EFNB2: variants seen among roughly 807,000 people sequenced by gnomAD.
The protein encoded by EFNB2 is ephrin B2.
EFNB2 carries 5 observed loss-of-function variants against 32.1 expected under a neutral mutation model. The observed-to-expected ratio is 0.16, with a 90% CI of 0.08 to 0.33. The LOEUF is 0.33. EFNB2 is among the 10% of genes least tolerant of loss of function. EFNB2 has a pLI of 1.00. For synonymous variants in EFNB2, 168 were observed against 166.5 expected (o/e 1.01, Z -0.07); for missense variants, 263 against 422.6 (o/e 0.62, Z 3.31).
Position 106,525,943 on chromosome 13 carries a change from C to T in EFNB2, c.122+8900G>A, listed in dbSNP as rs1456616368. 2.6e-5 allele frequency among the ~76,000 whole-genome samples: 4 copies of T among 152,186 alleles called. No homozygotes were observed. In the East Asian group the frequency reaches 5.8e-4, roughly 22 times the overall value. On this transcript the variant is annotated intron_variant, in intron 1 of 4. Coordinates refer to ENST00000646441, the MANE Select transcript of EFNB2 (RefSeq NM_004093.4). Reference sequence around the variant, plus strand: ...AAGGACTACAGATTTCTTCAGAGATCCCCAAACAGCTTTAATGTTGAGTTG... The same window carrying T: ...AAGGACTACAGATTTCTTCAGAGATTCCCAAACAGCTTTAATGTTGAGTTG...
At chr13:106,497,297 C>T (rs1878623234) in intron 2 of EFNB2, among the ~76,000 whole-genome samples, 1 of 152,076 alleles carries the variant, frequency 6.6e-6, no homozygotes, top group African/African-American at 2.4e-5. Flanking sequence ...TTTACAGTCT[C>T]ACAATTGCAT....
At chr13:106,506,849 C>G (rs1878968602) in intron 2 of EFNB2, 1 of 152,222 alleles carries the variant, frequency 6.6e-6, no homozygotes, top group Admixed American at 6.5e-5. Flanking sequence ...CCCCACTTTA[C>G]AGATGAAGAG....
chr13:106,510,262 G>A (rs1475160267), intron 2 of EFNB2: 1 of 151,858 alleles, frequency 6.6e-6, no homozygotes. Context: ...AAATTAAACT[G>A]CTTCTAAATA....
intron 2 of EFNB2, among the ~76,000 whole-genome samples, chr13:106,502,779 G>T (rs1182555831): frequency 6.6e-6 from 1 of 152,184 alleles, no homozygotes; most frequent in Non-Finnish European, 1.5e-5. Context: ...AGGGCCATAG[G>T]TATCTTTGAC....
At chr13:106,529,307 G>A (rs112751004) in intron 1 of EFNB2, among the ~76,000 whole-genome samples, 7 of 152,160 alleles carry the variant, frequency 4.6e-5, no homozygotes, top group African/African-American at 1.7e-4. Flanking sequence ...GGCAACGACC[G>A]CGAAGTGCAG....
chr13:106,497,089 A>T (rs1878614625), intron 2 of EFNB2, among the ~76,000 whole-genome samples: 1 of 152,358 alleles, frequency 6.6e-6, no homozygotes, highest in East Asian at 1.9e-4. Context: ...TCCAAACAGT[A>T]GGTCAGCAAA....
At chr13:106,534,801 A>C (rs1418091347) in intron 1 of EFNB2, 42 bp downstream of exon 1, 1 of 1,578,300 alleles carries the variant, frequency 6.3e-7, no homozygotes. Context: ...GGCGCGGCGG[A>C]CCCCGGGGCG....
chr13:106,500,214 C>T (rs1878728826), intron 2 of EFNB2, among the ~76,000 whole-genome samples: 2 of 152,294 alleles, frequency 1.3e-5, no homozygotes, highest in South Asian at 4.1e-4. Context: ...CCGCTCTGCT[C>T]CCAGGAGGCT....
chr13:106,494,768 C>T (rs1566454263), intron 4 of EFNB2, 113 bp downstream of exon 4: 9 of 773,650 alleles, frequency 1.2e-5, no homozygotes, highest in African/African-American at 1.7e-5. Context: ...ATCACTGTAA[C>T]TTCCAGCTAA....
chr13:106,503,088 GTTTAT>G (rs771606067), intron 2 of EFNB2, among the ~76,000 whole-genome samples: 1 of 152,076 alleles, frequency 6.6e-6, no homozygotes, highest in Non-Finnish European at 1.5e-5. Context: ...TTATGGAGTT[GTTTAT>G]TTTATTTCCC....
chr13:106,521,382 T>C (rs1879514217), intron 1 of EFNB2: 1 of 152,196 alleles, frequency 6.6e-6, no homozygotes, highest in Non-Finnish European at 1.5e-5. Context: ...TGCCTCTTCA[T>C]CACGCATACC....
chr13:106,492,065 A>G lies in EFNB2; in HGVS notation c.*975T>C, dbSNP rs1266155276. The G allele has an allele frequency of 2.0e-5, 3 of 152,580 alleles. No homozygotes were observed. Among genetic ancestry groups the G allele is most frequent in the Non-Finnish European group, 4.4e-5 (3 of 68,068 alleles). The allele number at this position is 152,580 out of a possible 1,614,324, so 9.5% of individuals were successfully genotyped here. ...CTCCAAGCCTGTTCCTTTCCCAACA[A>G]TACCCGTCTTTGTTCCCCGGAATGA... On this transcript the variant is annotated 3_prime_UTR_variant, in exon 5 of 5. Coordinates refer to ENST00000646441, the MANE Select transcript of EFNB2 (RefSeq NM_004093.4). This position sits in a 1 kb window ranked among gnomAD's most constrained non-coding sequence, Gnocchi z 5.1.
At position 106,490,454 on chromosome 13, in the gene EFNB2, A is replaced by G. The variant is rs1453293758; in HGVS notation, c.*2586T>C. On this transcript the variant is annotated 3_prime_UTR_variant, in exon 5 of 5. Coordinates refer to ENST00000646441, the MANE Select transcript of EFNB2 (RefSeq NM_004093.4). Reference sequence around the variant, plus strand: ...CAGACACAAAACAGACGCACAGAACACTTTTCAATTGGTTGCAGGGAACTC... The same window carrying G: ...CAGACACAAAACAGACGCACAGAACGCTTTTCAATTGGTTGCAGGGAACTC... The G allele has an allele frequency of 3.3e-5, 5 of 152,188 alleles. No homozygotes were observed. Among genetic ancestry groups the G allele is most frequent in the Non-Finnish European group, 7.4e-5 (5 of 68,020 alleles). 9.4% of individuals were successfully genotyped at this position (152,188 alleles called of 1,614,324 possible). A position where few individuals can be genotyped will look rare whatever the true frequency, so the allele number is the denominator to read the frequency against.
At chr13:106,509,288 A>G (rs980714728) in intron 2 of EFNB2, among the ~76,000 whole-genome samples, 3 of 152,096 alleles carry the variant, frequency 2.0e-5, no homozygotes, top group African/African-American at 7.2e-5. Flanking sequence ...ACTGGGGAAA[A>G]GTCAAGCACT....
rs2138953056 is a variant in EFNB2, at chr13:106,535,173, G to A, written c.-209C>T. 1 of 241,612 alleles carries A rather than the reference G, an allele frequency of 4.1e-6. No individual in the cohort carries two copies. The highest frequency in any genetic ancestry group is 6.8e-6 in the Non-Finnish European group (1 of 147,786). 15.0% of individuals were successfully genotyped at this position (241,612 alleles called of 1,614,324 possible). A position where few individuals can be genotyped will look rare whatever the true frequency, so the allele number is the denominator to read the frequency against. On this transcript the variant is annotated 5_prime_UTR_variant, in exon 1 of 5. Coordinates refer to ENST00000646441, the MANE Select transcript of EFNB2 (RefSeq NM_004093.4). ...CAGGGCGCGGGGCGGGAGCGCACGCGCGGGGCGCGGCGGCGCGGCGGACTC... is the reference window on the plus strand; with the variant it reads ...CAGGGCGCGGGGCGGGAGCGCACGCACGGGGCGCGGCGGCGCGGCGGACTC...
At chr13:106,505,143 T>A (rs1665831587) in intron 2 of EFNB2, among the ~76,000 whole-genome samples, 1 of 152,182 alleles carries the variant, frequency 6.6e-6, no homozygotes, top group Admixed American at 6.5e-5. Context: ...TACCAAAATG[T>A]CTGATACAAG....
chr13:106,504,907 T>C (rs1878901293), intron 2 of EFNB2, among the ~76,000 whole-genome samples: 1 of 152,138 alleles, frequency 6.6e-6, no homozygotes, highest in Non-Finnish European at 1.5e-5. Context: ...CTTAAAGTAC[T>C]TGCTAACATA....
intron 2 of EFNB2, among the ~76,000 whole-genome samples, chr13:106,503,678 A>T (rs1392641547): frequency 1.3e-5 from 2 of 152,214 alleles, no homozygotes; most frequent in African/African-American, 4.8e-5. Context: ...TCACTGCCAC[A>T]GGGCCATGTG....
In EFNB2 at chr13:106,535,054, G is replaced by A. The variant is rs2138952842; in HGVS notation, c.-90C>T. 3 of 1,534,416 alleles carry A rather than the reference G, an allele frequency of 2.0e-6. No homozygotes were observed. Among genetic ancestry groups the A allele is most frequent in the East Asian group, 2.4e-5 (1 of 41,584 alleles). On this transcript the variant is annotated 5_prime_UTR_variant, in exon 1 of 5. Transcript: ENST00000646441. ...ACCCCCAATCCTCCGGGGCAGACTG[G>A]CGGGGAAGACGGCGTGCGCCCGCAG...
Sources: allele counts gnomAD v4.1 joint callset (sites outside exome capture counted in the v4.1 genomes callset), GRCh38; gene constraint gnomAD v4.1.1; non-coding constraint Gnocchi (gnomAD v3.1); transcripts MANE v1.5; gene names NCBI Gene and HGNC (gene_info 2026-07-23, HGNC 2026-07-21).